Variants in PCOLCE2 observed in about 807,000 individuals in gnomAD.
PCOLCE2 encodes procollagen C-endopeptidase enhancer 2, also known as procollagen C-proteinase enhancer 2.
A neutral mutation model predicts 47.0 loss-of-function variants in PCOLCE2; 42 were observed. That is an observed-to-expected ratio of 0.89 (90% CI 0.70 to 1.16). The LOEUF is 1.16. Among genes scored for constraint, PCOLCE2 ranks in the 50% most tolerant of loss-of-function variants. The pLI is 0.00. For missense variants in PCOLCE2, 500 were observed against 526.1 expected, an observed-to-expected ratio of 0.95 and a Z score of 0.49; for synonymous variants, 169 against 191.7, an observed-to-expected ratio of 0.88 and a Z score of 0.98.
chr3:142,821,664 G>T (rs908656204), intron 7 of PCOLCE2, among the ~76,000 whole-genome samples: 2 of 151,474 alleles, frequency 1.3e-5, no homozygotes, highest in African/African-American at 4.9e-5. Context: ...TTAACAAGCT[G>T]AAGTATAGAA....
At chr3:142,886,478 C>G (rs535512168) in intron 2 of PCOLCE2, among the ~76,000 whole-genome samples, 1 of 152,134 alleles carries the variant, frequency 6.6e-6, no homozygotes, top group Admixed American at 6.5e-5. Context: ...TCTATGACTT[C>G]TTTCCTGGCC....
chr3:142,827,634 C>T lies in PCOLCE2; in HGVS notation c.865+2058G>A, dbSNP rs116004733. The T allele has an allele frequency of 3.0e-4, 439 of 1,468,462 alleles. 2 individuals are homozygous for T. The African/African-American group carries it at 5.3e-3, about 18-fold the overall frequency. 91.0% of individuals were successfully genotyped at this position (1,468,462 alleles called of 1,614,324 possible). A position where few individuals can be genotyped will look rare whatever the true frequency, so the allele number is the denominator to read the frequency against. ...AACTGGCCCGTGTGAATGCCCTCGG[C>T]AGCAATGAAAAGCTCCGTCCGCTTC... On this transcript the variant is annotated intron_variant, in intron 6 of 8. Transcript: ENST00000295992.
At chr3:142,881,376 T>C (rs1933617070) in intron 2 of PCOLCE2, among the ~76,000 whole-genome samples, 1 of 152,228 alleles carries the variant, frequency 6.6e-6, no homozygotes. Flanking sequence ...AATAATTCAA[T>C]ATATTTGAAG....
chr3:142,876,606 G>A (rs943047192), intron 2 of PCOLCE2, among the ~76,000 whole-genome samples: 6 of 152,174 alleles, frequency 3.9e-5, no homozygotes, highest in African/African-American at 1.4e-4. Context: ...TTAGGAGCTT[G>A]GGCTTGAGTC....
Position 142,827,525 on chromosome 3 carries a change from C to T in PCOLCE2, c.865+2167G>A, listed in dbSNP as rs887613889. On this transcript the variant is annotated intron_variant, in intron 6 of 8. Coordinates refer to ENST00000295992, the MANE Select transcript of PCOLCE2 (RefSeq NM_013363.4). ...ACGGCCTCCAGGCTTCTCCTCCAGG[C>T]AGCACACGATCATACCCTCAGGCAT... 12 of 1,481,562 alleles carry T rather than the reference C, an allele frequency of 8.1e-6. No individual in the cohort carries two copies. The Admixed American group carries it at 8.4e-5, about 10-fold the overall frequency. 91.8% of individuals were successfully genotyped at this position (1,481,562 alleles called of 1,614,324 possible).
chr3:142,868,169 G>A (rs916469558), intron 2 of PCOLCE2, among the ~76,000 whole-genome samples: 3 of 152,112 alleles, frequency 2.0e-5, no homozygotes, highest in African/African-American at 7.2e-5. Context: ...CTAAGGAAAG[G>A]ATAAAGGTAA....
chr3:142,858,138 T>C (rs983297975), intron 2 of PCOLCE2, among the ~76,000 whole-genome samples: 3 of 152,172 alleles, frequency 2.0e-5, no homozygotes, highest in African/African-American at 7.2e-5. Context: ...TCTTCCCTCT[T>C]TCACCTCCCA....
Position 142,874,399 on chromosome 3 carries a change from A to AC in PCOLCE2, c.192+13269dup, listed in dbSNP as rs376162145. Among the ~76,000 whole-genome samples, 265 of 151,342 alleles carry AC rather than the reference A, an allele frequency of 1.8e-3. 2 individuals carry two copies. Among genetic ancestry groups the AC allele is most frequent in the African/African-American group, 5.9e-3 (245 of 41,206 alleles). On this transcript the variant is annotated intron_variant, in intron 2 of 8. Coordinates refer to ENST00000295992, the MANE Select transcript of PCOLCE2 (RefSeq NM_013363.4). ...GAGCTGATGGTTTTAAATGTGGCAC[A>AC]CCCCCCTCACTCTCTGCACGATGTA...
chr3:142,857,704 T>C (rs113502299), intron 2 of PCOLCE2, among the ~76,000 whole-genome samples: 23 of 152,294 alleles, frequency 1.5e-4, no homozygotes, highest in Admixed American at 3.9e-4. Context: ...CCTTAGAACA[T>C]CTAGGCCTCT....
intron 2 of PCOLCE2, among the ~76,000 whole-genome samples, chr3:142,854,782 A>T (rs1439222020): frequency 6.6e-6 from 1 of 152,226 alleles, no homozygotes; most frequent in Admixed American, 6.5e-5. Context: ...CACTTAGTGA[A>T]CATCAGGTGC....
At chr3:142,882,159 A>G (rs1578052770) in intron 2 of PCOLCE2, among the ~76,000 whole-genome samples, 3 of 151,954 alleles carry the variant, frequency 2.0e-5, no homozygotes, top group Admixed American at 2.0e-4. Flanking sequence ...CCACCCAAGT[A>G]GCGAGGACTA....
intron 2 of PCOLCE2, among the ~76,000 whole-genome samples, chr3:142,869,074 G>A (rs1389778886): frequency 6.6e-6 from 1 of 152,010 alleles, no homozygotes; most frequent in African/African-American, 2.4e-5. Context: ...GGTGGATCAC[G>A]AGGTCAGGAG....
intron 2 of PCOLCE2, among the ~76,000 whole-genome samples, chr3:142,874,991 G>A (rs1167581844): frequency 6.6e-6 from 1 of 152,162 alleles, no homozygotes; most frequent in Non-Finnish European, 1.5e-5. Context: ...ATTTGCAGAT[G>A]TATGTAGTTG....
intron 2 of PCOLCE2, among the ~76,000 whole-genome samples, chr3:142,882,682 C>T (rs775197699): frequency 2.6e-5 from 4 of 151,982 alleles, no homozygotes; most frequent in African/African-American, 9.7e-5. Flanking sequence ...TAGGCTCAAG[C>T]GATCCTTCTG....
chr3:142,854,692 A>ATG (rs1309822581), intron 2 of PCOLCE2, among the ~76,000 whole-genome samples: 1 of 152,182 alleles, frequency 6.6e-6, no homozygotes, highest in African/African-American at 2.4e-5. Context: ...TGAAGACACC[A>ATG]GTGGAGATAA....
At position 142,842,870 on chromosome 3, in the gene PCOLCE2, C is replaced by A. The variant is rs966308104; in HGVS notation, c.573+54G>T. The A allele has an allele frequency of 2.5e-6, 4 of 1,594,770 alleles. No homozygotes were observed. In the South Asian group the frequency reaches 3.4e-5, roughly 13 times the overall value. ...GGCTCTTGAGAGTTGGTGGGCCCCCCACACTGGGCAATTCACACATGCATG... is the reference window on the plus strand; with the variant it reads ...GGCTCTTGAGAGTTGGTGGGCCCCCAACACTGGGCAATTCACACATGCATG... On this transcript the variant is annotated intron_variant, in intron 4 of 8. Coordinates refer to ENST00000295992, the MANE Select transcript of PCOLCE2 (RefSeq NM_013363.4). The surrounding 1 kb of genome is among the most constrained non-coding windows in gnomAD (Gnocchi z 4.1).
At chr3:142,854,993 T>C (rs1346132376) in intron 2 of PCOLCE2, among the ~76,000 whole-genome samples, 2 of 152,190 alleles carry the variant, frequency 1.3e-5, no homozygotes, top group African/African-American at 4.8e-5. Context: ...TCATGCCACT[T>C]TTCTGTTCAA....
At chr3:142,822,401 T>A (rs1193044780) in intron 7 of PCOLCE2, among the ~76,000 whole-genome samples, 2 of 152,214 alleles carry the variant, frequency 1.3e-5, no homozygotes, top group East Asian at 3.9e-4. Context: ...GCGGTCACAT[T>A]AATGGAATAA....
rs1035811435 is a variant in PCOLCE2, at chr3:142,827,111, C to T, written c.865+2581G>A. On this transcript the variant is annotated intron_variant, in intron 6 of 8. Transcript: ENST00000295992. The stretch of plus-strand genomic sequence containing the variant: ...CCCCTTAGCACTAGTTCTCTTTCTC[C>T]TGCACAGTCTTGGTTCCCCAGAGAC... The T allele has an allele frequency of 1.1e-5, 16 of 1,444,154 alleles. 1 individual carries two copies. The highest frequency in any genetic ancestry group is 3.4e-5 in the Admixed American group (2 of 58,908). The allele number at this position is 1,444,154 out of a possible 1,614,324, so 89.5% of individuals were successfully genotyped here.
Sources: allele counts gnomAD v4.1 joint callset (sites outside exome capture counted in the v4.1 genomes callset), GRCh38; gene constraint gnomAD v4.1.1; non-coding constraint Gnocchi (gnomAD v3.1); transcripts MANE v1.5; gene names NCBI Gene and HGNC (gene_info 2026-07-23, HGNC 2026-07-21).